Variants in EXD3 observed in about 807,000 individuals in gnomAD.
EXD3 encodes the protein exonuclease 3'-5' domain containing 3.
In EXD3, 92 loss-of-function variants were observed where a neutral mutation model predicts 98.0. The observed-to-expected ratio is 0.94, with a 90% CI of 0.79 to 1.12. The LOEUF (loss-of-function observed/expected upper bound fraction) is 1.12, where lower values mean the gene tolerates loss of function less well. Among genes scored for constraint, EXD3 ranks in the 50% most tolerant of loss-of-function variants. EXD3 has a pLI of 0.00. For synonymous variants in EXD3, 569 were observed against 526.0 expected (o/e 1.08, Z -1.12); for missense variants, 1,222 against 1,191.6 (o/e 1.03, Z -0.38).
rs759203903 is a variant in EXD3, at chr9:137,306,986, C to T, written c.2595G>A (p.Pro865=). 3.7e-5 allele frequency: 60 copies of T among 1,601,448 alleles called. No individual in the cohort carries two copies. The highest frequency in any genetic ancestry group is 2.9e-4 in the South Asian group (26 of 89,808). ...TGCTGGCCGGGCTGGGGGCTGGGCT[C>T]GGCTCGCAGGGGCTGGGGGCGCTCT... ...MLESAPSPCE[P]SPAPSPASSP... is the part of the protein sequence containing the mutation. Residue 865 remains proline (P), a synonymous_variant, in exon 22 of 22, where the codon CCG becomes CCA. Coordinates refer to ENST00000340951, the MANE Select transcript of EXD3 (RefSeq NM_017820.5).
intron 3 of EXD3, among the ~76,000 whole-genome samples, chr9:137,382,075 C>T (rs1441574375): frequency 8.2e-5 from 8 of 98,132 alleles, no homozygotes; most frequent in South Asian, 3.2e-4. Flanking sequence ...GGTGAGGGCG[C>T]GCGGTGGAGG....
chr9:137,323,661 T>G, intron 19 of EXD3, 64 bp downstream of exon 19: 1 of 1,580,820 alleles, frequency 6.3e-7, no homozygotes, highest in South Asian at 1.2e-5. Context: ...CCCACCTCCC[T>G]GGACACCCCC....
chr9:137,407,006 C>G lies in EXD3; in HGVS notation c.-47-11602G>C, dbSNP rs1837745865. Reference sequence around the variant, plus strand: ...CAGGGTCCTGTGACCGGGAAGGCCCCGCATCTGCTGCACCCGGAGTGGTGG... The same window carrying G: ...CAGGGTCCTGTGACCGGGAAGGCCCGGCATCTGCTGCACCCGGAGTGGTGG... On this transcript the variant is annotated intron_variant, in intron 1 of 21. Transcript: ENST00000340951. This position sits in a 1 kb window ranked among gnomAD's most constrained non-coding sequence, Gnocchi z 4.4. 1.3e-5 allele frequency among the ~76,000 whole-genome samples: 2 copies of G among 152,186 alleles called. No homozygotes were observed. Among genetic ancestry groups the G allele is most frequent in the Admixed American group, 1.3e-4 (2 of 15,308 alleles).
intron 1 of EXD3, among the ~76,000 whole-genome samples, chr9:137,398,751 A>AGACACACAGGCACCCGCGTCCCCGT (rs762956055): frequency 1.8e-5 from 2 of 112,706 alleles, no homozygotes; most frequent in East Asian, 2.4e-4. Context: ...CGCGTCCCCG[A>AGACACACAGGCACCCGCGTCCCCGT]GACACACAGG....
At chr9:137,388,039 G>A (rs1328846435) in intron 2 of EXD3, among the ~76,000 whole-genome samples, 3 of 152,326 alleles carry the variant, frequency 2.0e-5, no homozygotes, top group Non-Finnish European at 4.4e-5. Flanking sequence ...GGGGCAGAGC[G>A]GGGCAGCTGT....
Position 137,324,746 on chromosome 9 carries a change from G to A in EXD3, c.1999-603C>T, listed in dbSNP as rs1832296635. Among the ~76,000 whole-genome samples, 1 of 152,208 alleles carries A rather than the reference G, an allele frequency of 6.6e-6. No homozygotes were observed. Among genetic ancestry groups the A allele is most frequent in the Admixed American group, 6.5e-5 (1 of 15,288 alleles). On this transcript the variant is annotated intron_variant, in intron 17 of 21. Coordinates refer to ENST00000340951, the MANE Select transcript of EXD3 (RefSeq NM_017820.5). This position sits in a 1 kb window ranked among gnomAD's most constrained non-coding sequence, Gnocchi z 4.1. ...CTCGCTCTTTCGCCCAGGCCGGAGT[G>A]CAGTGGCGCTGTCTTGGCTCACTGC...
Position 137,393,328 on chromosome 9 carries a change from C to T in EXD3, c.55+1975G>A, listed in dbSNP as rs1011384505. On this transcript the variant is annotated intron_variant, in intron 2 of 21. Transcript: ENST00000340951. This position sits in a 1 kb window ranked among gnomAD's most constrained non-coding sequence, Gnocchi z 4.6. The stretch of plus-strand genomic sequence containing the variant: ...GCGGTCTCCAGGGGAGGTAACAGGG[C>T]CTCATCCCACACAGGTGCAGGCCCG... The T allele has an allele frequency of 5.8e-6, 4 of 688,178 alleles. No homozygotes were observed. Among genetic ancestry groups the T allele is most frequent in the African/African-American group, 5.3e-5 (3 of 56,808 alleles). 42.6% of individuals were successfully genotyped at this position (688,178 alleles called of 1,614,324 possible). A position where few individuals can be genotyped will look rare whatever the true frequency, so the allele number is the denominator to read the frequency against.
At chr9:137,418,422 C>T (rs1341403106) in intron 1 of EXD3, among the ~76,000 whole-genome samples, 2 of 152,136 alleles carry the variant, frequency 1.3e-5, no homozygotes, top group Non-Finnish European at 2.9e-5. Flanking sequence ...AATTACTAAG[C>T]GTAAGTTTAA....
intron 2 of EXD3, among the ~76,000 whole-genome samples, chr9:137,387,430 T>C (rs1384892363): frequency 6.6e-6 from 1 of 152,060 alleles, no homozygotes; most frequent in African/African-American, 2.4e-5. Context: ...GGGACAAGTG[T>C]CTGCCGTGCC....
chr9:137,349,108 A>G lies in EXD3; in HGVS notation c.1830+2T>C. ...AAACGGACCCTGCGGGGCTTCACCCACCTGCCTGGGTGCGGCCGGTGCTGA... is the reference window on the plus strand; with the variant it reads ...AAACGGACCCTGCGGGGCTTCACCCGCCTGCCTGGGTGCGGCCGGTGCTGA... On this transcript the variant is annotated splice_donor_variant, in intron 16 of 21. Transcript: ENST00000340951. LOFTEE classifies it high-confidence loss of function. The surrounding 1 kb of genome is among the most constrained non-coding windows in gnomAD (Gnocchi z 7.4). 1.3e-6 allele frequency: 2 copies of G among 1,591,760 alleles called. No individual in the cohort carries two copies. The highest frequency in any genetic ancestry group is 1.7e-6 in the Non-Finnish European group (2 of 1,174,694).
At chr9:137,409,781 G>A (rs999811455) in intron 1 of EXD3, among the ~76,000 whole-genome samples, 1 of 152,150 alleles carries the variant, frequency 6.6e-6, no homozygotes, top group Non-Finnish European at 1.5e-5. Flanking sequence ...CATCTTTCTC[G>A]GAACGTGGTG....
At chr9:137,399,760 G>A (rs116049099) in intron 1 of EXD3, among the ~76,000 whole-genome samples, 3,084 of 152,256 alleles carry the variant, frequency 0.02, 90 homozygotes, top group African/African-American at 0.07. Flanking sequence ...AATGAGAGCC[G>A]GGTACAGTGG....
At chr9:137,404,138 C>A (rs1197207482) in intron 1 of EXD3, among the ~76,000 whole-genome samples, 1 of 152,204 alleles carries the variant, frequency 6.6e-6, no homozygotes. Flanking sequence ...ACCAGTCCTA[C>A]TGGATTAGGG....
At chr9:137,374,842 C>A (rs1297425773) in intron 3 of EXD3, 1 of 985,404 alleles carries the variant, frequency 1.0e-6, no homozygotes. Context: ...CTTGAAGGAG[C>A]TCCAGGAACT....
chr9:137,411,697 G>C lies in EXD3; in HGVS notation c.-48+11417C>G, dbSNP rs970855553. On this transcript the variant is annotated intron_variant, in intron 1 of 21. Transcript: ENST00000340951. ...AGGAGCGGCAGGCGGAGGCGGGGGT[G>C]GGGGAGGTTGGGGGGAGGGGGATGG... Among the ~76,000 whole-genome samples the C allele has an allele frequency of 1.1e-4, 16 of 143,084 alleles. No individual in the cohort carries two copies. In the South Asian group the frequency reaches 1.4e-3, roughly 12 times the overall value. 93.9% of individuals were successfully genotyped at this position (143,084 alleles called of 152,430 possible). A position where few individuals can be genotyped will look rare whatever the true frequency, so the allele number is the denominator to read the frequency against.
chr9:137,340,425 C>T (rs997022905), intron 17 of EXD3, among the ~76,000 whole-genome samples: 12 of 151,554 alleles, frequency 7.9e-5, no homozygotes, highest in African/African-American at 1.9e-4. Context: ...TGCAGTGAGC[C>T]GAGATCACAT....
At chr9:137,394,902 G>A (rs1344053993) in intron 2 of EXD3, among the ~76,000 whole-genome samples, 1 of 152,120 alleles carries the variant, frequency 6.6e-6, no homozygotes, top group Non-Finnish European at 1.5e-5. Context: ...GGTTCCCTGA[G>A]CCCCCAGTGG....
intron 1 of EXD3, among the ~76,000 whole-genome samples, chr9:137,398,286 G>A (rs992874519): frequency 1.3e-5 from 2 of 152,192 alleles, no homozygotes; most frequent in Admixed American, 6.5e-5. Flanking sequence ...GGGTTCACAC[G>A]CTTTGTGGAG....
chr9:137,396,571 A>G (rs563705517), intron 1 of EXD3, among the ~76,000 whole-genome samples: 2 of 152,206 alleles, frequency 1.3e-5, no homozygotes, highest in South Asian at 2.1e-4. Context: ...AGTTTTACAC[A>G]TTACTGACAG....
Sources: allele counts gnomAD v4.1 joint callset (sites outside exome capture counted in the v4.1 genomes callset), GRCh38; gene constraint gnomAD v4.1.1; non-coding constraint Gnocchi (gnomAD v3.1); transcripts MANE v1.5; gene names NCBI Gene and HGNC (gene_info 2026-07-23, HGNC 2026-07-21).